Variants in CTNNA3 observed in about 807,000 individuals in gnomAD.
CTNNA3 encodes catenin alpha 3.
In CTNNA3, 76 loss-of-function variants were observed where a neutral mutation model predicts 95.7. The ratio of observed to expected loss-of-function variants is 0.79; its 90% confidence interval spans 0.66 to 0.96. The LOEUF is 0.96. Among genes scored for constraint, CTNNA3 ranks in the 40% least tolerant of loss-of-function variants. The pLI is 0.00. For missense variants in CTNNA3, 1,191 were observed against 1,089.8 expected, an observed-to-expected ratio of 1.09 and a Z score of -1.31; for synonymous variants, 431 against 374.4, an observed-to-expected ratio of 1.15 and a Z score of -1.74.
intron 2 of CTNNA3, among the ~76,000 whole-genome samples, chr10:67,626,879 A>C (rs371505461): frequency 7.4e-4 from 112 of 152,250 alleles, no homozygotes; most frequent in Non-Finnish European, 1.1e-3. Context: ...CTAGCCCAAA[A>C]CTTTTCAAGT....
intron 7 of CTNNA3, among the ~76,000 whole-genome samples, chr10:67,070,394 T>C (rs549411568): frequency 3.9e-5 from 6 of 152,332 alleles, no homozygotes; most frequent in Admixed American, 3.3e-4. Context: ...CAAAAGTTCT[T>C]AGTTTTAATA....
intron 11 of CTNNA3, among the ~76,000 whole-genome samples, chr10:66,420,843 A>AATAAAC (rs1564945960): frequency 1.4e-5 from 2 of 138,592 alleles, no homozygotes; most frequent in East Asian, 3.9e-4. Context: ...ATAAATAAAA[A>AATAAAC]ACAATATGGA....
rs111550990 is a variant in CTNNA3 at position 67,650,412 on chromosome 10, T to A, written c.-5-2894A>T. 9.2e-3 allele frequency among the ~76,000 whole-genome samples: 1,397 copies of A among 152,268 alleles called. 26 individuals are homozygous for A. The highest frequency in any genetic ancestry group is 0.031 in the African/African-American group (1,300 of 41,542). ...GATTTGGAGAGAGACTATAACAAAA[T>A]TCCAGTTTTCAGAATTAAAGGAAGG... On this transcript the variant is annotated intron_variant, in intron 1 of 17. Transcript: ENST00000433211.
intron 7 of CTNNA3, among the ~76,000 whole-genome samples, chr10:66,875,827 C>A (rs563256328): frequency 4.6e-5 from 7 of 152,278 alleles, no homozygotes; most frequent in African/African-American, 1.7e-4. Context: ...AGACCACTAT[C>A]ATAGCTAAGA....
chr10:67,475,383 T>A (rs893003925), intron 5 of CTNNA3, among the ~76,000 whole-genome samples: 1 of 152,108 alleles, frequency 6.6e-6, no homozygotes, highest in Non-Finnish European at 1.5e-5. Flanking sequence ...TAGACCTGTA[T>A]AAAACAAACA....
intron 7 of CTNNA3, among the ~76,000 whole-genome samples, chr10:66,888,545 T>C (rs1845135590): frequency 8.3e-6 from 1 of 120,654 alleles, no homozygotes; most frequent in Non-Finnish European, 1.9e-5. Flanking sequence ...TGGTAGTTTT[T>C]CATTTTTTTT....
chr10:67,116,722 AT>A (rs1165854056), intron 7 of CTNNA3, among the ~76,000 whole-genome samples: 398 of 22,704 alleles, frequency 0.018, no homozygotes, highest in African/African-American at 0.14. Flanking sequence ...AGTTTTGAAA[AT>A]ATATATATAT....
At chr10:66,809,419 C>T (rs560116057) in intron 7 of CTNNA3, among the ~76,000 whole-genome samples, 6 of 152,120 alleles carry the variant, frequency 3.9e-5, no homozygotes, top group Non-Finnish European at 7.4e-5. Flanking sequence ...CTAATATGAA[C>T]GGATTTTTTC....
At chr10:66,303,134 A>G (rs1196552209) in intron 12 of CTNNA3, among the ~76,000 whole-genome samples, 1 of 152,218 alleles carries the variant, frequency 6.6e-6, no homozygotes, top group African/African-American at 2.4e-5. Context: ...CTTATTTTAA[A>G]ATAGGATAAT....
intron 7 of CTNNA3, among the ~76,000 whole-genome samples, chr10:66,786,632 A>C (rs1356991905): frequency 2.6e-5 from 4 of 152,204 alleles, no homozygotes; most frequent in Admixed American, 6.5e-5. Flanking sequence ...AATTTACCCA[A>C]CTGTATAAAA....
chr10:67,648,255 G>A (rs1359617307), intron 1 of CTNNA3, among the ~76,000 whole-genome samples: 4 of 152,142 alleles, frequency 2.6e-5, no homozygotes, highest in Admixed American at 6.6e-5. Context: ...ATGACCATAT[G>A]TGGCATGTCA....
intron 13 of CTNNA3, among the ~76,000 whole-genome samples, chr10:66,227,952 T>C (rs1288898508): frequency 6.6e-6 from 1 of 152,172 alleles, no homozygotes; most frequent in Non-Finnish European, 1.5e-5. Flanking sequence ...TTCCAATTTA[T>C]TGGCATATAG....
intron 5 of CTNNA3, among the ~76,000 whole-genome samples, chr10:67,285,656 G>C (rs1444233381): frequency 6.6e-6 from 1 of 152,190 alleles, no homozygotes; most frequent in East Asian, 1.9e-4. Flanking sequence ...GAAAGGAAAA[G>C]AGAAAATCCA....
chr10:67,308,047 A>G (rs560878465), intron 5 of CTNNA3, among the ~76,000 whole-genome samples: 23 of 152,320 alleles, frequency 1.5e-4, no homozygotes, highest in African/African-American at 5.5e-4. Flanking sequence ...ACTCTACCCT[A>G]CATGTGTTCT....
At chr10:66,035,839 T>C (rs1034272524) in intron 15 of CTNNA3, among the ~76,000 whole-genome samples, 1 of 152,140 alleles carries the variant, frequency 6.6e-6, no homozygotes, top group Non-Finnish European at 1.5e-5. Context: ...GATGGGCTTA[T>C]TGTGAATGTT....
At chr10:67,108,281 G>A (rs1858756009) in intron 7 of CTNNA3, among the ~76,000 whole-genome samples, 2 of 152,144 alleles carry the variant, frequency 1.3e-5, no homozygotes, top group African/African-American at 4.8e-5. Flanking sequence ...TACATAAGAA[G>A]CTACTTTAGT....
chr10:66,691,481 C>T (rs1238038112), intron 9 of CTNNA3, among the ~76,000 whole-genome samples: 1 of 152,192 alleles, frequency 6.6e-6, no homozygotes, highest in Non-Finnish European at 1.5e-5. Context: ...TGGAGCCCAC[C>T]ACAGCTCAAG....
At chr10:67,412,657 T>G (rs577251222) in intron 5 of CTNNA3, among the ~76,000 whole-genome samples, 37 of 152,118 alleles carry the variant, frequency 2.4e-4, no homozygotes, top group Non-Finnish European at 4.9e-4. Flanking sequence ...GAAGCAGATT[T>G]CTCAGAAAAA....
At chr10:66,653,281 A>G (rs1218259962) in intron 9 of CTNNA3, among the ~76,000 whole-genome samples, 3 of 152,134 alleles carry the variant, frequency 2.0e-5, no homozygotes, top group Non-Finnish European at 4.4e-5. Context: ...TACAACATCA[A>G]CATACAAAAA....
Sources: allele counts gnomAD v4.1 joint callset (sites outside exome capture counted in the v4.1 genomes callset), GRCh38; gene constraint gnomAD v4.1.1; transcripts MANE v1.5; gene names NCBI Gene and HGNC (gene_info 2026-07-23, HGNC 2026-07-21).